Variants in RGS7 observed in about 807,000 individuals in gnomAD.
RGS7 encodes the protein regulator of G protein signaling 7.
A neutral mutation model predicts 81.1 loss-of-function variants in RGS7; 27 were observed. That is an observed-to-expected ratio of 0.33 (90% confidence interval 0.25 to 0.46). RGS7 has a LOEUF of 0.46. Ranked by LOEUF, RGS7 falls within the 20% of genes least tolerant of loss-of-function variation. The pLI, the probability that RGS7 is intolerant of heterozygous loss-of-function variation, is 1.00. For synonymous variants in RGS7, 208 were observed against 207.7 expected (o/e 1.00, Z -0.01); for missense variants, 396 against 607.4 (o/e 0.65, Z 3.66).
In RGS7 at chr1:240,834,725, A is replaced by C. The variant is rs373661984; in HGVS notation, c.610-7553T>G. 3.5e-3 allele frequency among the ~76,000 whole-genome samples: 529 copies of C among 152,014 alleles called. 5 individuals are homozygous for C. Among genetic ancestry groups the C allele is most frequent in the Middle Eastern group, 0.02 (6 of 294 alleles). ...ACGGGGTTTCACCGTGTTAGCCAGG[A>C]TGGTCTCCATCTCCTGACCTCGTGA... is the stretch of plus-strand genomic sequence containing the variant. On this transcript the variant is annotated intron_variant, in intron 9 of 18. Transcript: ENST00000440928.
chr1:241,167,523 T>C (rs1241229508), intron 2 of RGS7, among the ~76,000 whole-genome samples: 1 of 148,772 alleles, frequency 6.7e-6, no homozygotes, highest in African/African-American at 2.5e-5. Flanking sequence ...GTCCTCCTCT[T>C]TTTTTTTTTT....
At chr1:240,923,724 A>C (rs890005620) in intron 6 of RGS7, among the ~76,000 whole-genome samples, 48 of 152,094 alleles carry the variant, frequency 3.2e-4, no homozygotes, top group East Asian at 1.7e-3. Flanking sequence ...AAAAAAAAAA[A>C]ACACACACAA....
intron 6 of RGS7, chr1:240,919,777 G>A: frequency 1.4e-6 from 1 of 703,222 alleles, no homozygotes; most frequent in Non-Finnish European, 2.6e-6. Context: ...CTCATGGACT[G>A]TGTGGTAATG....
intron 2 of RGS7, among the ~76,000 whole-genome samples, chr1:241,267,098 T>C (rs1373499528): frequency 6.6e-6 from 1 of 152,200 alleles, no homozygotes; most frequent in Non-Finnish European, 1.5e-5. Context: ...TCTGTACCTG[T>C]CCTCAGATGT....
At chr1:240,894,794 T>C (rs937323849) in intron 6 of RGS7, among the ~76,000 whole-genome samples, 3 of 152,200 alleles carry the variant, frequency 2.0e-5, no homozygotes, top group African/African-American at 7.2e-5. Flanking sequence ...TTGGGTGGTT[T>C]CTCATTTTCG....
chr1:240,819,341 C>A (rs1691365936), intron 10 of RGS7, among the ~76,000 whole-genome samples: 1 of 152,178 alleles, frequency 6.6e-6, no homozygotes, highest in Non-Finnish European at 1.5e-5. Context: ...TAGAAAAACA[C>A]AGCAATTTGT....
chr1:241,283,693 ATTTC>A (rs1164305594), intron 2 of RGS7, among the ~76,000 whole-genome samples: 1 of 152,014 alleles, frequency 6.6e-6, no homozygotes, highest in Non-Finnish European at 1.5e-5. Flanking sequence ...TTCAGTCATT[ATTTC>A]TTTGAGTGTT....
In RGS7 at chr1:240,926,208, T is replaced by C. The variant is rs190864197; in HGVS notation, c.385+4509A>G. On this transcript the variant is annotated intron_variant, in intron 6 of 18. Coordinates refer to ENST00000440928, the MANE Select transcript of RGS7 (RefSeq NM_001364886.1). The stretch of plus-strand genomic sequence containing the variant: ...TTGCTTTTGAGGACTTAGTGATGAA[T>C]TATTTACCAAGGCCATTGTCCAGAA... 2.1e-3 allele frequency among the ~76,000 whole-genome samples: 323 copies of C among 152,294 alleles called. 3 individuals carry two copies. The highest frequency in any genetic ancestry group is 7.5e-3 in the African/African-American group (310 of 41,568).
intron 9 of RGS7, among the ~76,000 whole-genome samples, chr1:240,846,002 A>G (rs1464128298): frequency 2.0e-5 from 3 of 152,204 alleles, no homozygotes; most frequent in Non-Finnish European, 4.4e-5. Context: ...CTAAGTCAGT[A>G]TGTATTTAAT....
intron 3 of RGS7, among the ~76,000 whole-genome samples, chr1:241,051,806 CAT>C (rs1293467022): frequency 1.3e-5 from 2 of 152,198 alleles, no homozygotes; most frequent in Admixed American, 1.3e-4. Flanking sequence ...AAGCACTTGA[CAT>C]GTGTTATCTT....
chr1:241,315,444 A>C (rs2080817889), intron 2 of RGS7, among the ~76,000 whole-genome samples: 1 of 152,204 alleles, frequency 6.6e-6, no homozygotes, highest in Admixed American at 6.5e-5. Context: ...GATTAAAAAA[A>C]GATAGTGATA....
chr1:241,239,584 C>T (rs556185499), intron 2 of RGS7, among the ~76,000 whole-genome samples: 2 of 152,254 alleles, frequency 1.3e-5, no homozygotes, highest in South Asian at 4.1e-4. Context: ...GTGTCATACC[C>T]CAAGCACGCC....
intron 2 of RGS7, among the ~76,000 whole-genome samples, chr1:241,320,233 T>C (rs1436941451): frequency 6.6e-6 from 1 of 152,234 alleles, no homozygotes; most frequent in Non-Finnish European, 1.5e-5. Flanking sequence ...GTTGCTGATA[T>C]ATTAGGCCCC....
chr1:241,202,016 AC>A (rs1558183896), intron 2 of RGS7, among the ~76,000 whole-genome samples: 4 of 85,404 alleles, frequency 4.7e-5, no homozygotes, highest in African/African-American at 1.3e-4. Context: ...ACACAGACAC[AC>A]ACACACACAC....
At chr1:240,794,985 C>G (rs564818944) in intron 18 of RGS7, among the ~76,000 whole-genome samples, 1 of 152,146 alleles carries the variant, frequency 6.6e-6, no homozygotes, top group African/African-American at 2.4e-5. Context: ...GAGTTCGAGA[C>G]CAGCCTGACC....
intron 3 of RGS7, among the ~76,000 whole-genome samples, chr1:240,999,507 C>T (rs1484367965): frequency 2.6e-5 from 4 of 152,168 alleles, no homozygotes; most frequent in Non-Finnish European, 5.9e-5. Context: ...GTAAGCTAAT[C>T]TATTAACTCT....
At chr1:240,849,908 A>G (rs1290841602) in intron 9 of RGS7, among the ~76,000 whole-genome samples, 1 of 152,234 alleles carries the variant, frequency 6.6e-6, no homozygotes, top group African/African-American at 2.4e-5. Context: ...CTAACAGAGT[A>G]ATGTGAAATT....
chr1:241,128,964 A>G (rs1342139570), intron 2 of RGS7, among the ~76,000 whole-genome samples: 1 of 152,190 alleles, frequency 6.6e-6, no homozygotes, highest in African/African-American at 2.4e-5. Flanking sequence ...TGATTATTAT[A>G]TTGATATCCC....
intron 3 of RGS7, among the ~76,000 whole-genome samples, chr1:241,057,961 G>A (rs1204720978): frequency 1.3e-5 from 2 of 152,160 alleles, no homozygotes. Flanking sequence ...CATGAGTAGG[G>A]GAGGTGAGGC....
Sources: allele counts gnomAD v4.1 joint callset (sites outside exome capture counted in the v4.1 genomes callset), GRCh38; gene constraint gnomAD v4.1.1; transcripts MANE v1.5; gene names NCBI Gene and HGNC (gene_info 2026-07-23, HGNC 2026-07-21).